GSE1: variants seen among roughly 807,000 people sequenced by gnomAD.
GSE1 encodes genetic suppressor element 1.
In GSE1, 32 loss-of-function variants were observed where a neutral mutation model predicts 112.6. The observed-to-expected ratio is 0.28, with a 90% CI of 0.21 to 0.38. The LOEUF (loss-of-function observed/expected upper bound fraction) is 0.38. Among genes scored for constraint, GSE1 ranks in the 10% least tolerant of loss-of-function variants. The probability of loss-of-function intolerance (pLI) is 1.00; values close to 1 mark genes in which losing one functional copy is unlikely to be tolerated. For missense variants in GSE1, 2,348 were observed against 1,699.2 expected (o/e 1.38, Z -6.71); for synonymous variants, 1,115 against 735.6 (o/e 1.52, Z -8.35).
At chr16:85,497,344 G>C (rs75279590) in intron 2 of GSE1, among the ~76,000 whole-genome samples, 21,137 of 152,226 alleles carry the variant, frequency 0.14, 1,546 homozygotes, top group South Asian at 0.19. Flanking sequence ...CCAGATCCTA[G>C]CACATGTGGG....
intron 1 of GSE1, chr16:85,279,035 C>T (rs1420340772): frequency 6.6e-6 from 1 of 152,348 alleles, no homozygotes; most frequent in Non-Finnish European, 1.5e-5. Flanking sequence ...GCACTGGAAG[C>T]TTTGGCGGTT....
intron 1 of GSE1, among the ~76,000 whole-genome samples, chr16:85,566,147 C>G (rs2045737492): frequency 6.6e-6 from 1 of 152,162 alleles, no homozygotes; most frequent in Non-Finnish European, 1.5e-5. Context: ...GCTGCAATTA[C>G]CATTTGGGTT....
chr16:85,315,753 C>A (rs2045972083), intron 1 of GSE1, among the ~76,000 whole-genome samples: 1 of 152,220 alleles, frequency 6.6e-6, no homozygotes, highest in African/African-American at 2.4e-5. Context: ...TATACTTATA[C>A]TAAAAACGTA....
intron 2 of GSE1, among the ~76,000 whole-genome samples, chr16:85,453,634 C>T (rs1018783868): frequency 5.9e-5 from 9 of 152,082 alleles, no homozygotes; most frequent in Non-Finnish European, 1.2e-4. Flanking sequence ...TGAGACCAGG[C>T]TCAGGTGGGC....
chr16:85,432,164 C>T (rs970905875), intron 2 of GSE1, among the ~76,000 whole-genome samples: 14 of 152,214 alleles, frequency 9.2e-5, no homozygotes, highest in African/African-American at 2.9e-4. Context: ...CTTAGAGTGT[C>T]ATAAGGTTAG....
In GSE1 at chr16:85,417,147, G is replaced by T. The variant is rs28446269; in HGVS notation, c.2464+59504G>T. Among the ~76,000 whole-genome samples, 82 of 152,274 alleles carry T rather than the reference G, an allele frequency of 5.4e-4. No homozygotes were observed. The East Asian group carries it at 0.011, about 20-fold the overall frequency. ...ACAAATTATAGTTCAAATTACAGGT[G>T]TGAGCCACCATGCCCAGCAGCCCTG... On this transcript the variant is annotated intron_variant, in intron 2 of 2. Coordinates refer to the GSE1 transcript ENST00000637419.
intron 1 of GSE1, among the ~76,000 whole-genome samples, chr16:85,272,970 T>A (rs1244983176): frequency 6.6e-5 from 10 of 152,306 alleles, no homozygotes; most frequent in African/African-American, 2.2e-4. Context: ...GAGACAGGAT[T>A]TCTCCATGTT....
chr16:85,590,629 G>T (rs1456122422), intron 1 of GSE1, among the ~76,000 whole-genome samples: 1 of 151,952 alleles, frequency 6.6e-6, no homozygotes, highest in African/African-American at 2.4e-5. Context: ...GTGTGAATGC[G>T]TGGGCCTGTG....
rs1274028337 is a variant in GSE1 at position 85,675,032 on chromosome 16, G to A, written c.*2493G>A. The A allele has an allele frequency of 6.6e-6, 1 of 152,488 alleles. No homozygotes were observed. The highest frequency in any genetic ancestry group is 2.4e-5 in the African/African-American group (1 of 41,448). 9.4% of individuals were successfully genotyped at this position (152,488 alleles called of 1,614,324 possible). On this transcript the variant is annotated 3_prime_UTR_variant, in exon 16 of 16. Transcript: ENST00000253458. ...CACACCACCCAAGACACAGTACCCA[G>A]TCATGGTTTCCCCATCCAACTATTA...
At chr16:85,197,312 A>T (rs1340853095) in intron 1 of GSE1, among the ~76,000 whole-genome samples, 2 of 152,132 alleles carry the variant, frequency 1.3e-5, no homozygotes, top group Non-Finnish European at 2.9e-5. Flanking sequence ...AATGCCTGGG[A>T]AAGGGAGAGA....
At position 85,668,136 on chromosome 16, in the gene GSE1, A is replaced by G. The variant is rs1361520831; in HGVS notation, c.3131-4A>G. ...CACTGATGCAAGCCCTGTCCCCTCC[A>G]CAGGGAGCGTGGCTGTGCTGTCTGC... is the stretch of plus-strand genomic sequence containing the variant. On this transcript the variant is annotated splice_polypyrimidine_tract_variant and splice_region_variant and intron_variant, in intron 13 of 15. Coordinates refer to ENST00000253458, the MANE Select transcript of GSE1 (RefSeq NM_014615.5). 1.3e-6 allele frequency: 2 copies of G among 1,563,776 alleles called. No individual in the cohort carries two copies. Among genetic ancestry groups the G allele is most frequent in the Non-Finnish European group, 8.7e-7 (1 of 1,151,472 alleles).
chr16:85,486,474 C>T (rs899731679), intron 2 of GSE1, among the ~76,000 whole-genome samples: 1 of 152,256 alleles, frequency 6.6e-6, no homozygotes, highest in African/African-American at 2.4e-5. Context: ...AAAGACATTG[C>T]AGCCGCTAAG....
intron 1 of GSE1, among the ~76,000 whole-genome samples, chr16:85,260,668 C>T (rs1907594785): frequency 6.6e-6 from 1 of 152,362 alleles, no homozygotes; most frequent in Non-Finnish European, 1.5e-5. Context: ...GGAGCTGTTC[C>T]CAGGGCAATG....
At chr16:85,635,478 A>ACTGC (rs1381215418) in intron 2 of GSE1, among the ~76,000 whole-genome samples, 4 of 151,638 alleles carry the variant, frequency 2.6e-5, no homozygotes, top group African/African-American at 9.7e-5. Flanking sequence ...GGGGAAGCAG[A>ACTGC]CTGCCTGCCT....
At chr16:85,336,094 AGGCC>A (rs2046477738) in intron 1 of GSE1, among the ~76,000 whole-genome samples, 2 of 152,170 alleles carry the variant, frequency 1.3e-5, no homozygotes, top group Non-Finnish European at 2.9e-5. Context: ...CCCCGGGTTC[AGGCC>A]AGGGTCCTCC....
intron 1 of GSE1, among the ~76,000 whole-genome samples, chr16:85,353,375 G>A (rs1046546579): frequency 3.9e-4 from 60 of 152,318 alleles, no homozygotes; most frequent in African/African-American, 1.3e-3. Flanking sequence ...TCTAGGAGTG[G>A]AGTTGCTGGG....
At chr16:85,282,544 C>T (rs8061626) in intron 1 of GSE1, among the ~76,000 whole-genome samples, 1 of 152,028 alleles carries the variant, frequency 6.6e-6, no homozygotes, top group African/African-American at 2.4e-5. Context: ...CAGAGTCGCA[C>T]AGGATCGGGG....
intron 1 of GSE1, 47 bp downstream of exon 1, chr16:85,613,445 C>T (rs535163971): frequency 2.4e-4 from 353 of 1,494,652 alleles, no homozygotes; most frequent in Non-Finnish European, 5.0e-5. Context: ...CCCCCTCCCC[C>T]CACCGCACTG....
chr16:85,251,118 A>C (rs1290060844), intron 1 of GSE1, among the ~76,000 whole-genome samples: 2 of 152,124 alleles, frequency 1.3e-5, no homozygotes, highest in African/African-American at 4.8e-5. Context: ...CCCGGCTGTG[A>C]GCATGCCTGT....
Sources: gnomAD v4.1 joint callset for allele counts (sites outside exome capture counted in the v4.1 genomes callset) on GRCh38, gnomAD v4.1.1 for gene constraint, MANE v1.5 for transcripts, NCBI Gene and HGNC (gene_info 2026-07-23, HGNC 2026-07-21) for gene names.